TMEM181: variants seen among roughly 807,000 people sequenced by gnomAD.
TMEM181 encodes G protein-coupled receptor 178.
TMEM181 carries 39 observed loss-of-function variants against 71.9 expected under a neutral mutation model. The observed-to-expected ratio is 0.54, with a 90% CI of 0.42 to 0.71. TMEM181 has a LOEUF of 0.71. TMEM181 is among the 30% of genes least tolerant of loss of function. The probability of loss-of-function intolerance (pLI) is 0.00; values close to 1 mark genes in which losing one functional copy is unlikely to be tolerated. For missense variants in TMEM181, 595 were observed against 583.0 expected (o/e 1.02, Z -0.21); for synonymous variants, 245 against 228.8 (o/e 1.07, Z -0.64).
intron 1 of TMEM181, among the ~76,000 whole-genome samples, chr6:158,541,950 G>A (rs1263019427): frequency 7.2e-6 from 1 of 138,740 alleles, no homozygotes; most frequent in Non-Finnish European, 1.5e-5. Context: ...TGTTACTAAA[G>A]GCTGGAGTGC....
chr6:158,568,784 G>T (rs927229770), intron 1 of TMEM181, among the ~76,000 whole-genome samples: 2 of 152,116 alleles, frequency 1.3e-5, no homozygotes, highest in Non-Finnish European at 2.9e-5. Flanking sequence ...CAGCCGCTGT[G>T]GTCACTGAGC....
chr6:158,607,384 A>G (rs1785011284), intron 8 of TMEM181, 41 bp downstream of exon 8: 17 of 1,591,172 alleles, frequency 1.1e-5, no homozygotes, highest in Non-Finnish European at 1.4e-5. Context: ...TTCCCTTTAA[A>G]ATGTAAAGCT....
intron 2 of TMEM181, among the ~76,000 whole-genome samples, chr6:158,578,285 C>G (rs1582974653): frequency 6.6e-6 from 1 of 152,210 alleles, no homozygotes; most frequent in East Asian, 1.9e-4. Flanking sequence ...TAACTTGAAG[C>G]CATATGATTT....
At chr6:158,570,260 T>C (rs1163441088) in intron 1 of TMEM181, among the ~76,000 whole-genome samples, 1 of 141,614 alleles carries the variant, frequency 7.1e-6, no homozygotes, top group Non-Finnish European at 1.5e-5. Context: ...TGAGATGGAG[T>C]CTTGCTCTGT....
chr6:158,627,631 G>A (rs1294136694), intron 13 of TMEM181, among the ~76,000 whole-genome samples: 1 of 151,736 alleles, frequency 6.6e-6, no homozygotes, highest in South Asian at 2.1e-4. Context: ...CTGGGTGGGC[G>A]TCAGCATGGC....
At chr6:158,602,380 C>T (rs1469884038) in intron 6 of TMEM181, among the ~76,000 whole-genome samples, 1 of 152,190 alleles carries the variant, frequency 6.6e-6, no homozygotes, top group Non-Finnish European at 1.5e-5. Context: ...TGGACATATG[C>T]TTTCATTTCT....
chr6:158,578,496 T>TA (rs1324325760), intron 2 of TMEM181, among the ~76,000 whole-genome samples: 9 of 152,248 alleles, frequency 5.9e-5, no homozygotes, highest in Non-Finnish European at 8.8e-5. Context: ...ACTAATGCAT[T>TA]AAAACTTATT....
At chr6:158,606,600 C>G (rs1456564023) in intron 7 of TMEM181, among the ~76,000 whole-genome samples, 1 of 152,218 alleles carries the variant, frequency 6.6e-6, no homozygotes, top group African/African-American at 2.4e-5. Context: ...AAACAATCAA[C>G]AACAAAACCC....
chr6:158,544,725 A>G (rs923626563), intron 1 of TMEM181, among the ~76,000 whole-genome samples: 1 of 152,002 alleles, frequency 6.6e-6, no homozygotes, highest in African/African-American at 2.4e-5. Context: ...TCCCCTGCTC[A>G]ATGGACAGCT....
At chr6:158,570,390 G>C (rs1191454539) in intron 1 of TMEM181, among the ~76,000 whole-genome samples, 1 of 151,778 alleles carries the variant, frequency 6.6e-6, no homozygotes, top group African/African-American at 2.4e-5. Context: ...CCGCCACAAA[G>C]CCTGGCTAAT....
At chr6:158,626,661 A>G in intron 13 of TMEM181, 1 of 457,352 alleles carries the variant, frequency 2.2e-6, no homozygotes. Flanking sequence ...AAAGTCACTC[A>G]GAATAATGCT....
chr6:158,544,713 C>T (rs1485498500), intron 1 of TMEM181, among the ~76,000 whole-genome samples: 2 of 152,144 alleles, frequency 1.3e-5, no homozygotes, highest in Non-Finnish European at 2.9e-5. Flanking sequence ...TTCATCACCC[C>T]CTCCCCTGCT....
rs1562302753 is a variant in TMEM181 at position 158,605,128 on chromosome 6, AAAAGTGTGTGT to A, written c.493-138_493-128del. On this transcript the variant is annotated intron_variant, in intron 6 of 16. Transcript: ENST00000684151. ...GACTCCATATCCAAAAAAAAAAAAAAAAAGTGTGTGTGTGTGTGTGTGTGTGTGTGTATGTG... is the reference window on the plus strand; with the variant it reads ...GACTCCATATCCAAAAAAAAAAAAAAGTGTGTGTGTGTGTGTGTGTATGTG... 3.1e-3 allele frequency: 1,199 copies of A among 386,584 alleles called. 4 individuals carry two copies. The highest frequency in any genetic ancestry group is 7.2e-3 in the Middle Eastern group (10 of 1,382). The allele number at this position is 386,584 out of a possible 1,614,324, so 23.9% of individuals were successfully genotyped here. A position where few individuals can be genotyped will look rare whatever the true frequency, so the allele number is the denominator to read the frequency against.
chr6:158,627,185 C>G (rs1288508711), intron 13 of TMEM181, among the ~76,000 whole-genome samples: 1 of 152,050 alleles, frequency 6.6e-6, no homozygotes, highest in African/African-American at 2.4e-5. Flanking sequence ...CCCTCACTCT[C>G]ACACCCTTAC....
intron 10 of TMEM181, chr6:158,621,512 C>G (rs1785954793): frequency 1.5e-5 from 3 of 197,344 alleles, no homozygotes. Context: ...GAACCCAACA[C>G]AGAGCTCTGA....
chr6:158,571,379 ATCT>A (rs1347694598), intron 1 of TMEM181, among the ~76,000 whole-genome samples: 2 of 129,386 alleles, frequency 1.5e-5, no homozygotes, highest in South Asian at 2.5e-4. Context: ...TATAGGCGTG[ATCT>A]GCCCGCCTTG....
In TMEM181 at chr6:158,634,081, T is replaced by C. The variant is rs1016989750; in HGVS notation, c.*2193T>C. 3 of 152,222 alleles carry C rather than the reference T, an allele frequency of 2.0e-5. No homozygotes were observed. The highest frequency in any genetic ancestry group is 2.9e-5 in the Non-Finnish European group (2 of 68,034). The allele number at this position is 152,222 out of a possible 1,614,324, so 9.4% of individuals were successfully genotyped here. On this transcript the variant is annotated 3_prime_UTR_variant, in exon 17 of 17. Transcript: ENST00000684151. ...AACTGATGACTATTATCTTCATACA[T>C]TGAGTCTTCATGCATCAATGAAATG... is the stretch of plus-strand genomic sequence containing the variant.
intron 1 of TMEM181, among the ~76,000 whole-genome samples, chr6:158,549,972 T>A (rs1438739330): frequency 1.3e-5 from 2 of 150,496 alleles, no homozygotes; most frequent in African/African-American, 2.4e-5. Flanking sequence ...TTTTTTTTTT[T>A]AACACAAGTG....
intron 10 of TMEM181, among the ~76,000 whole-genome samples, chr6:158,623,114 C>A (rs1786065566): frequency 6.6e-6 from 1 of 152,158 alleles, no homozygotes; most frequent in Admixed American, 6.5e-5. Flanking sequence ...GTCCCCTGTC[C>A]CCAATTCCCT....
Sources: allele counts gnomAD v4.1 joint callset (sites outside exome capture counted in the v4.1 genomes callset), GRCh38; gene constraint gnomAD v4.1.1; transcripts MANE v1.5; gene names NCBI Gene and HGNC (gene_info 2026-07-23, HGNC 2026-07-21).